The following CCDC14 variants were observed in gnomAD, a reference collection of about 807,000 sequenced individuals.
The protein encoded by CCDC14 is coiled-coil domain-containing protein 14.
In CCDC14, 71 loss-of-function variants were observed where a neutral mutation model predicts 81.4. The observed-to-expected ratio is 0.87, with a 90% CI of 0.72 to 1.06. CCDC14 has a LOEUF of 1.06. Ranked by LOEUF, CCDC14 falls within the 50% of genes least tolerant of loss-of-function variation. CCDC14 has a pLI of 0.00. For synonymous variants in CCDC14, 332 were observed against 364.8 expected, an observed-to-expected ratio of 0.91 and a Z score of 1.03; for missense variants, 1,046 against 1,047.3, an observed-to-expected ratio of 1.00 and a Z score of 0.02.
intron 12 of CCDC14, among the ~76,000 whole-genome samples, chr3:123,929,828 G>A (rs1035934670): frequency 6.6e-6 from 1 of 152,056 alleles, no homozygotes; most frequent in Admixed American, 6.5e-5. Context: ...TGCCTATTCT[G>A]GACATTTCGT....
Position 123,914,471 on chromosome 3 carries a change from C to G in CCDC14, c.*308G>C. On this transcript the variant is annotated 3_prime_UTR_variant, in exon 13 of 13. Coordinates refer to ENST00000409697, the MANE Select transcript of CCDC14 (RefSeq NM_001366335.1). ...AGGACAGCCACAGAACTATTTCAAC[C>G]TGTACCCTTAATCCAGCAGATACAT... The G allele has an allele frequency of 3.0e-6, 3 of 1,012,650 alleles. No homozygotes were observed. The highest frequency in any genetic ancestry group is 3.5e-6 in the Non-Finnish European group (3 of 848,304). 62.7% of individuals were successfully genotyped at this position (1,012,650 alleles called of 1,614,324 possible). A position where few individuals can be genotyped will look rare whatever the true frequency, so the allele number is the denominator to read the frequency against.
rs2034786013 is a variant in CCDC14, at chr3:123,917,528, A to C, written c.1779-1810T>G. Among the ~76,000 whole-genome samples the C allele has an allele frequency of 2.0e-5, 3 of 151,758 alleles. No individual in the cohort carries two copies. In the South Asian group the frequency reaches 6.2e-4, roughly 32 times the overall value. On this transcript the variant is annotated intron_variant, in intron 12 of 12. Coordinates refer to ENST00000409697, the MANE Select transcript of CCDC14 (RefSeq NM_001366335.1). ...AAAAAAACAAAAAACAAAAAAACCC[A>C]AAAAACCAATTTAAACAAAGATACA...
At chr3:123,886,589 G>C in the CCDC14 span, among the ~76,000 whole-genome samples, 15 of 152,068 alleles carry the variant, frequency 9.9e-5, no homozygotes, top group Admixed American at 9.2e-4. Flanking sequence ...GTAGAGACGG[G>C]GTTTCATCAT....
chr3:123,902,981 C>T (rs1045725645), intron 5 of CCDC14, among the ~76,000 whole-genome samples: 4 of 152,146 alleles, frequency 2.6e-5, no homozygotes, highest in African/African-American at 4.8e-5. Context: ...CCTCCACCCA[C>T]CGACAGGCCC....
rs1211946178 is a variant in CCDC14, at chr3:123,936,370, G to A, written c.1344-2615C>T. On this transcript the variant is annotated intron_variant, in intron 9 of 12. Coordinates refer to ENST00000409697, the MANE Select transcript of CCDC14 (RefSeq NM_001366335.1). ...TTAGGCAAATATTTCTTTTATTCAAGTCATTCTTTTTTTTTTAGACAGCTT... is the reference window on the plus strand; with the variant it reads ...TTAGGCAAATATTTCTTTTATTCAAATCATTCTTTTTTTTTTAGACAGCTT... 4.6e-5 allele frequency among the ~76,000 whole-genome samples: 7 copies of A among 152,018 alleles called. No individual in the cohort carries two copies. The South Asian group carries it at 1.0e-3, about 23-fold the overall frequency.
intron 5 of CCDC14, among the ~76,000 whole-genome samples, chr3:123,898,103 ATAGTT>A (rs769979523): frequency 3.3e-5 from 5 of 152,246 alleles, no homozygotes; most frequent in African/African-American, 9.6e-5. Flanking sequence ...TGGAGGGACT[ATAGTT>A]TAGTGTGAAC....
In CCDC14 at chr3:123,933,749, C is replaced by T. The variant is rs375071266; in HGVS notation, c.1350G>A (p.Leu450=). Residue 450 remains leucine (L), a synonymous_variant, in exon 10 of 13, where the codon TTG becomes TTA. Coordinates refer to ENST00000409697, the MANE Select transcript of CCDC14 (RefSeq NM_001366335.1). ...CTCTGAGTTGCTGGTTCAAAATTCT[C>T]AACTGCCTAAAGAAATAATGAAGAA... ...RSENAQLRRQ[L]RILNQQLREQ... 3 of 1,562,530 alleles carry T rather than the reference C, an allele frequency of 1.9e-6. No homozygotes were observed. Among genetic ancestry groups the T allele is most frequent in the African/African-American group, 2.7e-5 (2 of 73,972 alleles).
In CCDC14 at chr3:123,906,481, T is replaced by C. The variant is rs780764426; in HGVS notation, c.668-8868A>G. Among the ~76,000 whole-genome samples, 28 of 144,452 alleles carry C rather than the reference T, an allele frequency of 1.9e-4. 2 individuals are homozygous for C. The highest frequency in any genetic ancestry group is 7.2e-3 in the Middle Eastern group (2 of 276). The allele number at this position is 144,452 out of a possible 152,430, so 94.8% of individuals were successfully genotyped here. On this transcript the variant is annotated intron_variant, in intron 5 of 5. Transcript: ENST00000479903. ...TCAAATGGAAGTGTAATAGAAATCA[T>C]AGGAGAGAGAAAAAGAAAGTAGTAG...
chr3:123,961,149 C>T lies in CCDC14; in HGVS notation c.25G>A (p.Gly9Ser), dbSNP rs1190916841. 3 of 1,551,496 alleles carry T rather than the reference C, an allele frequency of 1.9e-6. No homozygotes were observed. The Admixed American group carries it at 5.9e-5, about 30-fold the overall frequency. ...CTCAGGTCCTCAGCCCTCACCTGGC[C>T]CGGTCGAGCTCCAGACCTGACCATC... Reference protein sequence around the residue: MVRSGARPGQVLSSGRHTG... With the variant: MVRSGARPSQVLSSGRHTG... The change falls in exon 1 of 13, where the codon GGC (glycine) becomes AGC (serine). Residue 9 changes from glycine to serine, a missense_variant. By Grantham distance (56) the Gly-to-Ser change is moderately conservative. Transcript: ENST00000409697.
At chr3:123,934,001 G>A (rs762110432) in intron 9 of CCDC14, among the ~76,000 whole-genome samples, 2 of 152,012 alleles carry the variant, frequency 1.3e-5, no homozygotes, top group Non-Finnish European at 1.5e-5. Flanking sequence ...GGCCAGGCGC[G>A]GTGGCTCACG....
intron 9 of CCDC14, among the ~76,000 whole-genome samples, chr3:123,938,112 T>C (rs2036156190): frequency 6.6e-6 from 1 of 151,822 alleles, no homozygotes; most frequent in Admixed American, 6.6e-5. Flanking sequence ...TTTGGGTACT[T>C]TAGAGTCTTC....
In CCDC14 at chr3:123,915,704, C is replaced by G; in HGVS notation, c.1793G>C (p.Ser598Thr). The change falls in exon 13 of 13, where the codon AGC becomes ACC. Residue 598 changes from serine (S) to threonine (T), a missense_variant. Transcript: ENST00000409697. Reference protein sequence around the residue: ...LRELTRTLQTSMAKLLSDLSV... With the variant: ...LRELTRTLQTTMAKLLSDLSV... Reference sequence around the variant, plus strand: ...AAGATCGGAGAGAAGCTTTGCCATGCTAGTCTGTAAAGTTCTGTTAAGAAG... The same window carrying G: ...AAGATCGGAGAGAAGCTTTGCCATGGTAGTCTGTAAAGTTCTGTTAAGAAG... 1 of 1,610,832 alleles carries G rather than the reference C, an allele frequency of 6.2e-7. No homozygotes were observed. Among genetic ancestry groups the G allele is most frequent in the Non-Finnish European group, 8.5e-7 (1 of 1,178,654 alleles).
chr3:123,944,248 A>G (rs1205857879), intron 9 of CCDC14, among the ~76,000 whole-genome samples: 14 of 152,122 alleles, frequency 9.2e-5, no homozygotes, highest in Admixed American at 9.2e-4. Flanking sequence ...CAGAAGAAAA[A>G]CAGTTTGCTT....
chr3:123,899,095 A>G (rs896065993), intron 5 of CCDC14, among the ~76,000 whole-genome samples: 1 of 152,204 alleles, frequency 6.6e-6, no homozygotes, highest in Non-Finnish European at 1.5e-5. Context: ...TTATTTTAAC[A>G]AGTAGTACTT....
At chr3:123,920,058 A>C (rs981632768) in intron 12 of CCDC14, among the ~76,000 whole-genome samples, 1 of 152,222 alleles carries the variant, frequency 6.6e-6, no homozygotes, top group Non-Finnish European at 1.5e-5. Context: ...TTGACAAAGA[A>C]ATAGAAACAA....
chr3:123,960,153 G>A lies in CCDC14; in HGVS notation c.30+991C>T, dbSNP rs372873046. ...TGCTTTATTTTACACTTACTTCTACGAGGTTATTATCATTAAACTTTTAAT... is the reference window on the plus strand; with the variant it reads ...TGCTTTATTTTACACTTACTTCTACAAGGTTATTATCATTAAACTTTTAAT... On this transcript the variant is annotated intron_variant, in intron 1 of 12. Coordinates refer to ENST00000409697, the MANE Select transcript of CCDC14 (RefSeq NM_001366335.1). Among the ~76,000 whole-genome samples the A allele has an allele frequency of 3.9e-5, 6 of 152,260 alleles. No homozygotes were observed. The East Asian group carries it at 9.6e-4, about 24-fold the overall frequency.
chr3:123,916,911 A>G (rs1032088013), intron 12 of CCDC14, among the ~76,000 whole-genome samples: 2 of 151,814 alleles, frequency 1.3e-5, no homozygotes, highest in African/African-American at 4.8e-5. Context: ...GCATGATCTC[A>G]GCTCACTGCA....
chr3:123,946,675 A>C, intron 8 of CCDC14, 128 bp downstream of exon 8: 2 of 931,064 alleles, frequency 2.1e-6, no homozygotes, highest in South Asian at 3.7e-5. Flanking sequence ...AGTAGAACTC[A>C]TTTTCTTATT....
At chr3:123,907,340 T>C (rs1015157364) in intron 5 of CCDC14, among the ~76,000 whole-genome samples, 1 of 152,192 alleles carries the variant, frequency 6.6e-6, no homozygotes, top group Middle Eastern at 3.2e-3. Context: ...TAGGCACCTA[T>C]GCTCTCTGTC....
Sources: allele counts gnomAD v4.1 joint callset (sites outside exome capture counted in the v4.1 genomes callset), GRCh38; gene constraint gnomAD v4.1.1; transcripts MANE v1.5; gene names NCBI Gene and HGNC (gene_info 2026-07-23, HGNC 2026-07-21).